Variants in SDC2 observed in about 807,000 individuals in gnomAD.
The protein encoded by SDC2 is syndecan-2.
SDC2 carries 13 observed loss-of-function variants against 22.2 expected under a neutral mutation model. The ratio of observed to expected loss-of-function variants is 0.59; its 90% confidence interval spans 0.38 to 0.93. The LOEUF (loss-of-function observed/expected upper bound fraction) is 0.93, where lower values mean the gene tolerates loss of function less well. SDC2 is among the 40% of genes least tolerant of loss of function. SDC2 has a pLI of 0.00. For synonymous variants in SDC2, 94 were observed against 92.8 expected, an observed-to-expected ratio of 1.01 and a Z score of -0.07; for missense variants, 235 against 246.8, an observed-to-expected ratio of 0.95 and a Z score of 0.32.
chr8:96,584,895 C>CT (rs1329528386), intron 1 of SDC2: 1 of 152,192 alleles, frequency 6.6e-6, no homozygotes, highest in Non-Finnish European at 1.5e-5. Flanking sequence ...CCAGGCGTTG[C>CT]TTTAGTATAC....
At chr8:96,603,350 A>T (rs916625646) in intron 3 of SDC2, among the ~76,000 whole-genome samples, 2 of 152,220 alleles carry the variant, frequency 1.3e-5, no homozygotes, top group Non-Finnish European at 2.9e-5. Context: ...GTAAGCATTA[A>T]TTGAATTGGT....
intron 1 of SDC2, among the ~76,000 whole-genome samples, chr8:96,561,611 GCATC>G (rs767902992): frequency 2.6e-5 from 4 of 152,198 alleles, no homozygotes; most frequent in Admixed American, 6.5e-5. Flanking sequence ...CAACAGTACA[GCATC>G]CCTCAGTCCA....
At chr8:96,530,243 C>G (rs1813639024) in intron 1 of SDC2, among the ~76,000 whole-genome samples, 2 of 152,150 alleles carry the variant, frequency 1.3e-5, no homozygotes, top group South Asian at 4.1e-4. Context: ...GTCATTATAA[C>G]CTTTCAGCAG....
intron 1 of SDC2, among the ~76,000 whole-genome samples, chr8:96,570,822 G>A (rs748381963): frequency 1.3e-5 from 2 of 152,156 alleles, no homozygotes; most frequent in Admixed American, 1.3e-4. Flanking sequence ...AATAAGCTAG[G>A]CATAAAAGGA....
intron 1 of SDC2, among the ~76,000 whole-genome samples, chr8:96,510,872 G>A (rs781781659): frequency 3.3e-5 from 5 of 152,116 alleles, no homozygotes; most frequent in East Asian, 1.9e-4. Context: ...CGTTCTCCCC[G>A]TTAGGAGTGT....
intron 1 of SDC2, among the ~76,000 whole-genome samples, chr8:96,510,792 G>T (rs1813315136): frequency 6.6e-6 from 1 of 152,208 alleles, no homozygotes; most frequent in Non-Finnish European, 1.5e-5. Context: ...TTATTTTGGT[G>T]ATGATGGGGT....
At chr8:96,515,996 C>A (rs911837477) in intron 1 of SDC2, among the ~76,000 whole-genome samples, 1 of 152,142 alleles carries the variant, frequency 6.6e-6, no homozygotes, top group Non-Finnish European at 1.5e-5. Flanking sequence ...CCCTTCCAGG[C>A]TGATGGATCT....
At chr8:96,592,296 G>T (rs1023258268) in intron 1 of SDC2, among the ~76,000 whole-genome samples, 1 of 152,230 alleles carries the variant, frequency 6.6e-6, no homozygotes, top group Non-Finnish European at 1.5e-5. Flanking sequence ...GGTTGGACCT[G>T]TCCTCTTAGG....
intron 1 of SDC2, among the ~76,000 whole-genome samples, chr8:96,502,128 A>G (rs1813175778): frequency 1.3e-5 from 2 of 152,208 alleles, no homozygotes; most frequent in African/African-American, 4.8e-5. Flanking sequence ...ACAGTTCCAC[A>G]TGGCTGGGGA....
At position 96,594,924 on chromosome 8, in the gene SDC2, G is replaced by A. The variant is rs548021641; in HGVS notation, c.172+1333G>A. 2.0e-5 allele frequency among the ~76,000 whole-genome samples: 3 copies of A among 152,260 alleles called. No individual in the cohort carries two copies. In the South Asian group the frequency reaches 6.2e-4, roughly 32 times the overall value. On this transcript the variant is annotated intron_variant, in intron 2 of 4. Coordinates refer to ENST00000302190, the MANE Select transcript of SDC2 (RefSeq NM_002998.4). ...TCACTGTCATGAGAACAGCATGAGG[G>A]TAACTACTCCCATGAGTCAGTGATC...
chr8:96,587,165 C>G (rs189230106), intron 1 of SDC2, among the ~76,000 whole-genome samples: 3 of 152,288 alleles, frequency 2.0e-5, no homozygotes, highest in African/African-American at 4.8e-5. Flanking sequence ...CTCAGGTGAT[C>G]TGCCTGCCTT....
Position 96,609,085 on chromosome 8 carries a change from G to C in SDC2, c.443-300G>C, listed in dbSNP as rs527634210. The stretch of plus-strand genomic sequence containing the variant: ...GTTAGAAAATTAGAATATGAAATGT[G>C]AGTTCTGAAAAGACAAAAGTAGTTT... On this transcript the variant is annotated intron_variant, in intron 4 of 4. Transcript: ENST00000302190. Among the ~76,000 whole-genome samples the C allele has an allele frequency of 2.0e-5, 3 of 152,226 alleles. No homozygotes were observed. In the South Asian group the frequency reaches 6.2e-4, roughly 32 times the overall value.
chr8:96,519,948 TTGA>T (rs1813470778), intron 1 of SDC2, among the ~76,000 whole-genome samples: 2 of 152,190 alleles, frequency 1.3e-5, no homozygotes, highest in South Asian at 4.1e-4. Context: ...TAGTATAAAA[TTGA>T]TGATATCAAC....
chr8:96,515,939 T>C (rs901975915), intron 1 of SDC2, among the ~76,000 whole-genome samples: 1 of 152,176 alleles, frequency 6.6e-6, no homozygotes, highest in Non-Finnish European at 1.5e-5. Context: ...TACGGCTCCC[T>C]AGCCCTGGGA....
chr8:96,561,215 G>A (rs2589188), intron 1 of SDC2, among the ~76,000 whole-genome samples: 5,989 of 152,224 alleles, frequency 0.039, 438 homozygotes, highest in African/African-American at 0.14. Flanking sequence ...TCAGCCCAAG[G>A]TATGTTTATT....
chr8:96,532,412 G>GTTTTTTTTTTTT lies in SDC2; in HGVS notation c.60+38093_60+38104dup, dbSNP rs35452131. ...CCTGAGTCTCTCTGCTTATTGAGGC[G>GTTTTTTTTTTTT]TTTTTTTTTTTTTTTTTTTTTTTGG... On this transcript the variant is annotated intron_variant, in intron 1 of 4. Transcript: ENST00000302190. Among the ~76,000 whole-genome samples the GTTTTTTTTTTTT allele has an allele frequency of 1.0e-3, 50 of 47,942 alleles. 3 individuals are homozygous for GTTTTTTTTTTTT. The highest frequency in any genetic ancestry group is 4.8e-3 in the African/African-American group (46 of 9,554). 31.5% of individuals were successfully genotyped at this position (47,942 alleles called of 152,430 possible).
At chr8:96,567,383 G>T (rs191386552) in intron 1 of SDC2, among the ~76,000 whole-genome samples, 1 of 152,232 alleles carries the variant, frequency 6.6e-6, no homozygotes, top group Admixed American at 6.5e-5. Flanking sequence ...ATAGCTTTAG[G>T]GATACATGGT....
intron 1 of SDC2, among the ~76,000 whole-genome samples, chr8:96,503,006 C>G (rs1377975558): frequency 6.6e-6 from 1 of 152,158 alleles, no homozygotes; most frequent in Non-Finnish European, 1.5e-5. Context: ...CAGGGGCTTT[C>G]TTCTTGTCTT....
chr8:96,507,137 A>T (rs898963948), intron 1 of SDC2, among the ~76,000 whole-genome samples: 14 of 152,196 alleles, frequency 9.2e-5, no homozygotes, highest in Non-Finnish European at 2.1e-4. Context: ...TAGAGCTGGA[A>T]TGGACTTTTA....
Sources: allele counts gnomAD v4.1 joint callset (sites outside exome capture counted in the v4.1 genomes callset), GRCh38; gene constraint gnomAD v4.1.1; transcripts MANE v1.5; gene names NCBI Gene and HGNC (gene_info 2026-07-23, HGNC 2026-07-21).